The following DOCK1 variants were observed in gnomAD, a reference collection of about 807,000 sequenced individuals.
DOCK1 encodes dedicator of cytokinesis 1, also known as dedicator of cytokinesis protein 1.
In DOCK1, 138 loss-of-function variants were observed where a neutral mutation model predicts 262.7. The observed-to-expected ratio is 0.53, with a 90% CI of 0.46 to 0.61. The LOEUF is 0.61. Among genes scored for constraint, DOCK1 ranks in the 20% least tolerant of loss-of-function variants. The probability of loss-of-function intolerance (pLI) is 0.00; values close to 1 mark genes in which losing one functional copy is unlikely to be tolerated. For missense variants in DOCK1, 1,908 were observed against 2,370.7 expected, an observed-to-expected ratio of 0.80 and a Z score of 4.05; for synonymous variants, 866 against 867.4, an observed-to-expected ratio of 1.00 and a Z score of 0.03.
chr10:127,422,790 A>G (rs1312361134), intron 46 of DOCK1, among the ~76,000 whole-genome samples: 1 of 152,214 alleles, frequency 6.6e-6, no homozygotes, highest in Non-Finnish European at 1.5e-5. Flanking sequence ...ACGAAATTCA[A>G]AATTCCTCTG....
chr10:127,400,082 G>GAAA (rs2067133841), intron 38 of DOCK1, among the ~76,000 whole-genome samples: 1 of 152,018 alleles, frequency 6.6e-6, no homozygotes, highest in Admixed American at 6.6e-5. Flanking sequence ...CCTGGACACT[G>GAAA]GTCCCAGCTC....
intron 29 of DOCK1, among the ~76,000 whole-genome samples, chr10:127,303,523 A>T (rs2061762870): frequency 6.6e-6 from 1 of 151,818 alleles, no homozygotes; most frequent in Non-Finnish European, 1.5e-5. Flanking sequence ...TTAAACACTT[A>T]AAAAAAAGAA....
At chr10:127,194,816 C>T (rs145656348) in intron 27 of DOCK1, among the ~76,000 whole-genome samples, 1 of 152,192 alleles carries the variant, frequency 6.6e-6, no homozygotes, top group Non-Finnish European at 1.5e-5. Context: ...GGCAGGGCTC[C>T]CCCAAAGTTC....
chr10:127,301,946 A>T (rs1156841771), intron 29 of DOCK1, among the ~76,000 whole-genome samples: 4 of 109,056 alleles, frequency 3.7e-5, no homozygotes, highest in African/African-American at 1.8e-4. Flanking sequence ...ACTCCATCTC[A>T]AAAAAAAAAA....
At chr10:127,007,893 G>A (rs912016979) in intron 10 of DOCK1, among the ~76,000 whole-genome samples, 9 of 152,112 alleles carry the variant, frequency 5.9e-5, no homozygotes, top group Admixed American at 1.3e-4. Context: ...TTGAAAGAGC[G>A]TCCACAGATA....
At chr10:127,261,309 G>C (rs149303350) in intron 29 of DOCK1, among the ~76,000 whole-genome samples, 12 of 58,020 alleles carry the variant, frequency 2.1e-4, no homozygotes, top group South Asian at 4.1e-4. Flanking sequence ...GTGTGTGTGT[G>C]TGCCTGCATG....
At chr10:127,124,534 C>T (rs1182925312) in intron 25 of DOCK1, among the ~76,000 whole-genome samples, 3 of 152,220 alleles carry the variant, frequency 2.0e-5, no homozygotes, top group African/African-American at 7.2e-5. Flanking sequence ...CCCTGTTGCT[C>T]TGTTATTTTC....
At chr10:127,409,830 C>T (rs1199647468) in intron 42 of DOCK1, among the ~76,000 whole-genome samples, 2 of 152,164 alleles carry the variant, frequency 1.3e-5, no homozygotes, top group Non-Finnish European at 2.9e-5. Context: ...ACATTTGCTC[C>T]TGGTGACACA....
In DOCK1 at chr10:127,029,708, T is replaced by TA. The variant is rs2043109246; in HGVS notation, c.1625-1937dup. ...ATGATGGCTGCTAGTGAGCATGCAGTAAAAAGCGGTCCATTCCTCGGATGT... is the reference window on the plus strand; with the variant it reads ...ATGATGGCTGCTAGTGAGCATGCAGTAAAAAAGCGGTCCATTCCTCGGATGT... On this transcript the variant is annotated intron_variant, in intron 16 of 51. Coordinates refer to ENST00000623213, the MANE Select transcript of DOCK1 (RefSeq NM_001290223.2). 2.0e-5 allele frequency among the ~76,000 whole-genome samples: 3 copies of TA among 152,306 alleles called. No individual in the cohort carries two copies. The South Asian group carries it at 6.2e-4, about 32-fold the overall frequency.
intron 25 of DOCK1, among the ~76,000 whole-genome samples, chr10:127,122,606 G>C (rs2049667929): frequency 6.6e-6 from 1 of 150,948 alleles, no homozygotes; most frequent in Non-Finnish European, 1.5e-5. Flanking sequence ...GTTGGATTCT[G>C]GTCTATCAGG....
chr10:127,303,147 G>A (rs11017197), intron 29 of DOCK1, among the ~76,000 whole-genome samples: 1 of 151,996 alleles, frequency 6.6e-6, no homozygotes, highest in Non-Finnish European at 1.5e-5. Flanking sequence ...GTCTCAACTC[G>A]AAATACAGTA....
intron 29 of DOCK1, among the ~76,000 whole-genome samples, chr10:127,337,364 G>C (rs2063247030): frequency 6.6e-6 from 1 of 152,150 alleles, no homozygotes; most frequent in African/African-American, 2.4e-5. Flanking sequence ...CAAGACTGGG[G>C]GGCTGATTAG....
intron 33 of DOCK1, among the ~76,000 whole-genome samples, chr10:127,368,323 T>C (rs1169767441): frequency 6.6e-6 from 1 of 152,174 alleles, no homozygotes; most frequent in Admixed American, 6.5e-5. Flanking sequence ...TCCAGCACTT[T>C]CTATGAATCT....
chr10:127,116,341 C>T (rs1275731830), intron 25 of DOCK1, among the ~76,000 whole-genome samples: 1 of 152,108 alleles, frequency 6.6e-6, no homozygotes, highest in Non-Finnish European at 1.5e-5. Context: ...TTCTTATTTT[C>T]AAGGTGAATG....
At chr10:127,268,601 C>G (rs11017035) in intron 29 of DOCK1, among the ~76,000 whole-genome samples, 13,749 of 150,752 alleles carry the variant, frequency 0.091, 1,173 homozygotes, top group East Asian at 0.25. Context: ...TCTCAGCCAC[C>G]CTTCTCTGCC....
intron 18 of DOCK1, among the ~76,000 whole-genome samples, chr10:127,034,560 A>G (rs2043461404): frequency 6.6e-6 from 1 of 152,152 alleles, no homozygotes; most frequent in South Asian, 2.1e-4. Context: ...CCCCTGTGAC[A>G]TGTTAGTCTC....
intron 27 of DOCK1, among the ~76,000 whole-genome samples, chr10:127,168,227 A>G (rs2054255657): frequency 1.3e-5 from 2 of 152,184 alleles, no homozygotes; most frequent in Admixed American, 1.3e-4. Context: ...AGTGCATGGG[A>G]GGCTGACCTC....
In DOCK1 at chr10:126,996,823, T is replaced by G. The variant is rs765575115; in HGVS notation, c.549T>G (p.Ser183Arg). Residue 183 changes from serine to arginine, a missense_variant, in exon 7 of 52, where the codon AGT becomes AGG. Around this residue, in one of 9 missense-constraint regions of DOCK1, gnomAD observed 227 missense variants for 254.1 expected, o/e 0.89. Transcript: ENST00000623213. ...ATCCAGAATTAACTAGCACGATTAGTCTCTTCAGAGCTCATGAAATAGCTT... is the reference window on the plus strand; with the variant it reads ...ATCCAGAATTAACTAGCACGATTAGGCTCTTCAGAGCTCATGAAATAGCTT... Reference protein sequence around the residue: ...ILDPELTSTISLFRAHEIASK... With the variant: ...ILDPELTSTIRLFRAHEIASK... 5.6e-6 allele frequency: 9 copies of G among 1,612,922 alleles called. No individual in the cohort carries two copies. In the South Asian group the frequency reaches 8.8e-5, roughly 16 times the overall value.
chr10:127,347,554 G>A (rs1423743373), intron 31 of DOCK1, among the ~76,000 whole-genome samples: 2 of 152,090 alleles, frequency 1.3e-5, no homozygotes, highest in Non-Finnish European at 2.9e-5. Flanking sequence ...GGTTGTCGAA[G>A]TGTAAGGGAG....
Sources: gnomAD v4.1 joint callset for allele counts (sites outside exome capture counted in the v4.1 genomes callset) on GRCh38, gnomAD v4.1.1 for gene constraint, gnomAD v4.1.1 regional missense constraint, MANE v1.5 for transcripts, NCBI Gene and HGNC (gene_info 2026-07-23, HGNC 2026-07-21) for gene names.